CD47: variants seen among roughly 807,000 people sequenced by gnomAD.
The protein encoded by CD47 is leukocyte surface antigen CD47.
Under a neutral mutation model 44.6 loss-of-function variants are expected in CD47, and 11 were observed. That is an observed-to-expected ratio of 0.25 (90% CI 0.16 to 0.41). The LOEUF (loss-of-function observed/expected upper bound fraction) is 0.41. Among genes scored for constraint, CD47 ranks in the 10% least tolerant of loss-of-function variants. The probability of loss-of-function intolerance (pLI) is 1.00; values close to 1 mark genes in which losing one functional copy is unlikely to be tolerated. For missense variants in CD47, 306 were observed against 386.7 expected (o/e 0.79, Z 1.75); for synonymous variants, 140 against 136.3 (o/e 1.03, Z -0.19).
intron 1 of CD47, among the ~76,000 whole-genome samples, chr3:108,083,302 A>G (rs1283214326): frequency 6.6e-6 from 1 of 152,058 alleles, no homozygotes; most frequent in Non-Finnish European, 1.5e-5. Flanking sequence ...AATATAGACT[A>G]TCAGCCCAAA....
At chr3:108,089,757 C>T (rs1032945816) in intron 1 of CD47, among the ~76,000 whole-genome samples, 4 of 152,016 alleles carry the variant, frequency 2.6e-5, no homozygotes, top group Admixed American at 1.3e-4. Context: ...CCTTTAGGAA[C>T]GGCACACCGA....
chr3:108,077,722 G>A (rs79579352), intron 2 of CD47, among the ~76,000 whole-genome samples: 1 of 151,866 alleles, frequency 6.6e-6, no homozygotes, highest in South Asian at 2.1e-4. Context: ...AAAAAAAAAA[G>A]TAAGGAAAAA....
intron 4 of CD47, 67 bp from the exon 5 acceptor site, chr3:108,059,611 T>C (rs1576994205): frequency 1.1e-5 from 8 of 748,492 alleles, no homozygotes; most frequent in South Asian, 2.7e-5. Context: ...ATCTAAATTC[T>C]GTGCTTGACA....
At chr3:108,061,135 T>C (rs892423145) in intron 3 of CD47, among the ~76,000 whole-genome samples, 2 of 150,698 alleles carry the variant, frequency 1.3e-5, no homozygotes, top group African/African-American at 4.9e-5. Flanking sequence ...GTATTACTAA[T>C]AAATTGAGCT....
At chr3:108,052,605 G>T in intron 7 of CD47, 1 of 152,338 alleles carries the variant, frequency 6.6e-6, no homozygotes. Context: ...AGTGACGAAA[G>T]GGAAAAAGAA....
chr3:108,076,291 T>C (rs1414277905), intron 2 of CD47, among the ~76,000 whole-genome samples: 4 of 152,216 alleles, frequency 2.6e-5, no homozygotes, highest in Non-Finnish European at 4.4e-5. Flanking sequence ...ATATGTCCTG[T>C]TGATAATAAT....
chr3:108,064,764 T>C (rs2079075083), intron 3 of CD47, among the ~76,000 whole-genome samples: 1 of 152,152 alleles, frequency 6.6e-6, no homozygotes, highest in Non-Finnish European at 1.5e-5. Flanking sequence ...AGACTAAGAA[T>C]AAATCATAAA....
chr3:108,059,499 G>T lies in CD47; in HGVS notation c.644C>A (p.Thr215Asn). The change falls in exon 5 of 11, where the codon ACT becomes AAT. Residue 215 changes from threonine to asparagine, a missense_variant. Around this residue, in one of 5 missense-constraint regions of CD47, gnomAD observed 131 missense variants for 135.3 expected, o/e 0.97. Coordinates refer to ENST00000361309, the MANE Select transcript of CD47 (RefSeq NM_001777.4). ...AAGTAATATTAATATCCCTGTAGAA[G>T]TCACAATTAAACCAAGGCCAGTAGC... ...KNATGLGLIVTSTGILILLHY... is the reference protein window; with the variant it reads ...KNATGLGLIVNSTGILILLHY... 1 of 1,528,526 alleles carries T rather than the reference G, an allele frequency of 6.5e-7. No homozygotes were observed. The highest frequency in any genetic ancestry group is 8.8e-7 in the Non-Finnish European group (1 of 1,130,704). 94.7% of individuals were successfully genotyped at this position (1,528,526 alleles called of 1,614,324 possible).
At chr3:108,085,814 A>C (rs2079509665) in intron 1 of CD47, among the ~76,000 whole-genome samples, 1 of 152,134 alleles carries the variant, frequency 6.6e-6, no homozygotes, top group Non-Finnish European at 1.5e-5. Flanking sequence ...AAATCTAAAA[A>C]TCATGTGGGA....
chr3:108,049,026 A>G (rs1368843050), intron 10 of CD47, among the ~76,000 whole-genome samples: 1 of 151,952 alleles, frequency 6.6e-6, no homozygotes, highest in South Asian at 2.1e-4. Flanking sequence ...GAAATATTCT[A>G]TAAAGATTAG....
intron 6 of CD47, among the ~76,000 whole-genome samples, chr3:108,058,006 G>A (rs1044173977): frequency 3.0e-4 from 45 of 152,150 alleles, no homozygotes; most frequent in Non-Finnish European, 1.9e-4. Flanking sequence ...TCAAGTATAT[G>A]AATGAACAAA....
At chr3:108,069,714 C>A (rs779962333) in intron 3 of CD47, among the ~76,000 whole-genome samples, 1 of 151,952 alleles carries the variant, frequency 6.6e-6, no homozygotes, top group Non-Finnish European at 1.5e-5. Flanking sequence ...ATCCATCAAG[C>A]CAAACTCAAA....
chr3:108,056,893 A>G (rs1045980399), intron 7 of CD47, among the ~76,000 whole-genome samples: 1 of 152,216 alleles, frequency 6.6e-6, no homozygotes, highest in Non-Finnish European at 1.5e-5. Flanking sequence ...CTAAATTTTG[A>G]AACTCAATGT....
chr3:108,052,586 C>T (rs1162310553), intron 7 of CD47: 1 of 152,222 alleles, frequency 6.6e-6, no homozygotes, highest in Non-Finnish European at 1.5e-5. Flanking sequence ...GAATACAGTA[C>T]ATGAGCAAAG....
chr3:108,087,586 G>C (rs1047224184), intron 1 of CD47, among the ~76,000 whole-genome samples: 2 of 152,098 alleles, frequency 1.3e-5, no homozygotes, highest in African/African-American at 4.8e-5. Flanking sequence ...CAAACTGCTT[G>C]GTGTGTAGTA....
At chr3:108,050,031 T>C (rs751194999) in intron 9 of CD47, among the ~76,000 whole-genome samples, 1 of 152,228 alleles carries the variant, frequency 6.6e-6, no homozygotes, top group Non-Finnish European at 1.5e-5. Flanking sequence ...CTTGCCCAAA[T>C]ATCACTTGGT....
intron 3 of CD47, among the ~76,000 whole-genome samples, chr3:108,066,273 C>G (rs1489517325): frequency 6.6e-6 from 1 of 152,048 alleles, no homozygotes; most frequent in African/African-American, 2.4e-5. Flanking sequence ...TTAAAGATGC[C>G]TAGAATACAG....
At chr3:108,061,367 T>C (rs1424931147) in intron 3 of CD47, among the ~76,000 whole-genome samples, 2 of 151,924 alleles carry the variant, frequency 1.3e-5, no homozygotes, top group Non-Finnish European at 2.9e-5. Context: ...TAATTAACAA[T>C]ATTGAGAAAA....
chr3:108,059,380 C>T (rs544813253), intron 5 of CD47, 72 bp downstream of exon 5: 13 of 683,386 alleles, frequency 1.9e-5, no homozygotes, highest in Non-Finnish European at 3.2e-5. Context: ...TTTATATGAG[C>T]ATTTTCACCA....
Sources: allele counts gnomAD v4.1 joint callset (sites outside exome capture counted in the v4.1 genomes callset), GRCh38; gene constraint gnomAD v4.1.1; regional missense constraint gnomAD v4.1.1; transcripts MANE v1.5; gene names NCBI Gene and HGNC (gene_info 2026-07-23, HGNC 2026-07-21).